The following CEMIP2 variants were observed in gnomAD, a reference collection of about 807,000 sequenced individuals.
CEMIP2 encodes cell migration inducing hyaluronidase 2.
CEMIP2 carries 79 observed loss-of-function variants against 146.9 expected under a neutral mutation model. The ratio of observed to expected loss-of-function variants is 0.54; its 90% CI spans 0.45 to 0.65. CEMIP2 has a LOEUF of 0.65. Among genes scored for constraint, CEMIP2 ranks in the 30% least tolerant of loss-of-function variants. CEMIP2 has a pLI of 0.00. For missense variants in CEMIP2, 1,596 were observed against 1,696.2 expected (o/e 0.94, Z 1.04); for synonymous variants, 601 against 606.3 (o/e 0.99, Z 0.13).
intron 5 of CEMIP2, 127 bp from the exon 6 acceptor site, chr9:71,735,121 C>A (rs779534018): frequency 4.7e-6 from 5 of 1,052,886 alleles, no homozygotes; most frequent in African/African-American, 1.6e-5. Flanking sequence ...CAAATTTTTA[C>A]GCATGCTACC....
At position 71,732,142 on chromosome 9, in the gene CEMIP2, C is replaced by G. The variant is rs562819779; in HGVS notation, c.1563+209G>C. Among the ~76,000 whole-genome samples the G allele has an allele frequency of 7.9e-5, 12 of 152,038 alleles. 1 individual carries two copies. Among genetic ancestry groups the G allele is most frequent in the South Asian group, 2.1e-4 (1 of 4,814 alleles). Reference sequence around the variant, plus strand: ...TGATTTGACTCTTCATGGAACAATTCTTAAATGGTTTAACTAGAGGTCCAG... The same window carrying G: ...TGATTTGACTCTTCATGGAACAATTGTTAAATGGTTTAACTAGAGGTCCAG... On this transcript the variant is annotated intron_variant, in intron 7 of 23. Coordinates refer to ENST00000377044, the MANE Select transcript of CEMIP2 (RefSeq NM_013390.3).
Position 71,700,842 on chromosome 9 carries a change from A to G in CEMIP2, c.3195-18T>C. On this transcript the variant is annotated intron_variant, in intron 18 of 23. Coordinates refer to ENST00000377044, the MANE Select transcript of CEMIP2 (RefSeq NM_013390.3). ...AGTCATTCCTTTAAAGGAGAAACATAAAAAAATTAGTTTACACTTCAGCCA... is the reference window on the plus strand; with the variant it reads ...AGTCATTCCTTTAAAGGAGAAACATGAAAAAATTAGTTTACACTTCAGCCA... The G allele has an allele frequency of 1.9e-6, 3 of 1,591,610 alleles. No individual in the cohort carries two copies. Among genetic ancestry groups the G allele is most frequent in the Non-Finnish European group, 2.6e-6 (3 of 1,171,646 alleles).
chr9:71,739,803 T>C (rs959547872), intron 5 of CEMIP2, among the ~76,000 whole-genome samples: 1 of 152,158 alleles, frequency 6.6e-6, no homozygotes, highest in African/African-American at 2.4e-5. Flanking sequence ...TTAGTGTTAC[T>C]GTATTTTATG....
intron 21 of CEMIP2, among the ~76,000 whole-genome samples, chr9:71,692,365 A>ATC (rs10683725): frequency 0.022 from 2,011 of 90,500 alleles, 23 homozygotes; most frequent in Middle Eastern, 0.029. Flanking sequence ...TCTACCCCCC[A>ATC]TCTCTCTCTC....
Position 71,700,784 on chromosome 9 carries a change from T to C in CEMIP2, c.3235A>G (p.Thr1079Ala), listed in dbSNP as rs779242444. 1.2e-6 allele frequency: 2 copies of C among 1,612,350 alleles called. No homozygotes were observed. The highest frequency in any genetic ancestry group is 1.3e-5 in the African/African-American group (1 of 74,776). The change falls in exon 19 of 24, where the codon ACA becomes GCA. Residue 1079 changes from threonine to alanine, a missense_variant. Thr to Ala is a moderately conservative substitution (Grantham distance 58). Transcript: ENST00000377044. The stretch of plus-strand genomic sequence containing the variant: ...TAGCCAAAGGTAACTTGAAAACTTG[T>C]GTTTGATGGATAGCAAAGGCCAACT... ...IRVGLCYPSN[T>A]SFQVTFGYLQ...
Position 71,734,924 on chromosome 9 carries a change from A to G in CEMIP2, c.1275T>C (p.Ser425=). 6.2e-7 allele frequency: 1 copy of G among 1,613,982 alleles called. No homozygotes were observed. Among genetic ancestry groups the G allele is most frequent in the Non-Finnish European group, 8.5e-7 (1 of 1,179,984 alleles). ...CAATCTGGTCTCCAGGTTTCCAACTACTAACATCATCTAGCAAATTTAGCT... is the reference window on the plus strand; with the variant it reads ...CAATCTGGTCTCCAGGTTTCCAACTGCTAACATCATCTAGCAAATTTAGCT... ...GVKLNLLDDV[S]SWKPGDQIVV... Residue 425 remains serine (S), a synonymous_variant, in exon 6 of 24, where the codon AGT becomes AGC. Transcript: ENST00000377044.
At chr9:71,767,255 C>G (rs918893746) in intron 1 of CEMIP2, among the ~76,000 whole-genome samples, 2 of 152,144 alleles carry the variant, frequency 1.3e-5, no homozygotes, top group African/African-American at 4.8e-5. Context: ...GGGAGTCAGG[C>G]CTCCCTCAGC....
Position 71,685,410 on chromosome 9 carries a change from AAAAG to A in CEMIP2, c.3956-21_3956-18del. ...TGGTACTCCCTAAAAAAAAAAAAAA[AAAAG>A]AAAAAGAAAAAAAATCAATTTTTAT... On this transcript the variant is annotated intron_variant, in intron 23 of 23. Transcript: ENST00000377044. 9.4e-6 allele frequency: 14 copies of A among 1,482,636 alleles called. No homozygotes were observed. Among genetic ancestry groups the A allele is most frequent in the Admixed American group, 4.8e-5 (2 of 41,884 alleles). 91.8% of individuals were successfully genotyped at this position (1,482,636 alleles called of 1,614,324 possible). A position where few individuals can be genotyped will look rare whatever the true frequency, so the allele number is the denominator to read the frequency against.
chr9:71,745,280 T>C lies in CEMIP2; in HGVS notation c.772A>G (p.Thr258Ala), dbSNP rs1305548428. The C allele has an allele frequency of 6.2e-7, 1 of 1,613,940 alleles. No individual in the cohort carries two copies. Among genetic ancestry groups the C allele is most frequent in the Non-Finnish European group, 8.5e-7 (1 of 1,180,010 alleles). Reference protein sequence around the residue: ...NSSGLPFGSYTFEKDFSRGLN... With the variant: ...NSSGLPFGSYAFEKDFSRGLN... Reference sequence around the variant, plus strand: ...CCCCGGGAAAAGTCCTTTTCAAAGGTATAGGACCCAAAGGGCAAGCCTGAG... The same window carrying C: ...CCCCGGGAAAAGTCCTTTTCAAAGGCATAGGACCCAAAGGGCAAGCCTGAG... Residue 258 changes from threonine (T) to alanine (A), a missense_variant, in exon 4 of 24, where the codon ACC (threonine) becomes GCC (alanine). Physicochemically the swap from Thr to Ala is moderately conservative, Grantham distance 58. Coordinates refer to ENST00000377044, the MANE Select transcript of CEMIP2 (RefSeq NM_013390.3).
intron 20 of CEMIP2, among the ~76,000 whole-genome samples, chr9:71,695,035 A>G (rs1822354256): frequency 2.6e-5 from 4 of 152,240 alleles, no homozygotes. Flanking sequence ...CTAACTTTGA[A>G]CATGAGCAGG....
chr9:71,722,333 T>A (rs1823256542), intron 12 of CEMIP2, 94 bp downstream of exon 12: 1 of 934,250 alleles, frequency 1.1e-6, no homozygotes, highest in Non-Finnish European at 1.6e-6. Context: ...TTATTTTAAA[T>A]GTATTACCAC....
intron 21 of CEMIP2, among the ~76,000 whole-genome samples, chr9:71,692,661 C>T (rs1370274476): frequency 6.6e-6 from 1 of 152,114 alleles, no homozygotes; most frequent in African/African-American, 2.4e-5. Flanking sequence ...GTAATCCCAG[C>T]ACTTTGGAAG....
Position 71,750,246 on chromosome 9 carries a change from C to G in CEMIP2, c.128G>C (p.Ser43Thr). The G allele has an allele frequency of 6.2e-7, 1 of 1,614,090 alleles. No homozygotes were observed. The highest frequency in any genetic ancestry group is 8.5e-7 in the Non-Finnish European group (1 of 1,180,012). The change falls in exon 2 of 24, where the codon AGT becomes ACT. Residue 43 changes from serine to threonine, a missense_variant. Physicochemically the swap from Ser to Thr is moderately conservative, Grantham distance 58. Coordinates refer to ENST00000377044, the MANE Select transcript of CEMIP2 (RefSeq NM_013390.3). ...GGAGGTAAATTTGGCTGAAGCTTGACTCTTTGGAGGAGGAGGGGGACGCAA... is the reference window on the plus strand; with the variant it reads ...GGAGGTAAATTTGGCTGAAGCTTGAGTCTTTGGAGGAGGAGGGGGACGCAA... The part of the protein sequence containing the change: ...VPLRPPPPPK[S>T]QASAKFTSIR...
intron 1 of CEMIP2, among the ~76,000 whole-genome samples, chr9:71,758,481 C>T (rs761677517): frequency 1.2e-4 from 18 of 152,104 alleles, no homozygotes; most frequent in Non-Finnish European, 2.4e-4. Flanking sequence ...AGAGCATGGC[C>T]GAAAACAGGT....
chr9:71,695,008 C>T (rs1321186654), intron 20 of CEMIP2, among the ~76,000 whole-genome samples: 2 of 152,086 alleles, frequency 1.3e-5, no homozygotes, highest in Admixed American at 1.3e-4. Flanking sequence ...AAGGACTACC[C>T]TGTTAAGAAA....
intron 5 of CEMIP2, among the ~76,000 whole-genome samples, chr9:71,737,155 CAAAA>C (rs34623620): frequency 1.9e-5 from 2 of 107,072 alleles, no homozygotes; most frequent in African/African-American, 3.5e-5. Flanking sequence ...AGATCTTTCT[CAAAA>C]AAAAAAAAAA....
chr9:71,713,240 C>T (rs916894803), intron 15 of CEMIP2, among the ~76,000 whole-genome samples: 1 of 152,064 alleles, frequency 6.6e-6, no homozygotes, highest in African/African-American at 2.4e-5. Flanking sequence ...GTGCTGTTCT[C>T]ATGACAGTGA....
At chr9:71,745,891 A>G (rs1322276048) in intron 3 of CEMIP2, among the ~76,000 whole-genome samples, 1 of 152,018 alleles carries the variant, frequency 6.6e-6, no homozygotes, top group Non-Finnish European at 1.5e-5. Flanking sequence ...AATTGTGACA[A>G]AATCACTCTC....
intron 10 of CEMIP2, among the ~76,000 whole-genome samples, chr9:71,728,044 G>C (rs1183153184): frequency 2.0e-5 from 3 of 151,304 alleles, no homozygotes; most frequent in Non-Finnish European, 2.9e-5. Flanking sequence ...CTGGGGGACA[G>C]AGCGAGACTT....
Sources: gnomAD v4.1 joint callset for allele counts (sites outside exome capture counted in the v4.1 genomes callset) on GRCh38, gnomAD v4.1.1 for gene constraint, MANE v1.5 for transcripts, NCBI Gene and HGNC (gene_info 2026-07-23, HGNC 2026-07-21) for gene names.